The following AP4M1 variants were observed in gnomAD, a reference collection of about 807,000 sequenced individuals.
AP4M1 encodes the protein adaptor related protein complex 4 subunit mu 1.
In AP4M1, 58 loss-of-function variants were observed where a neutral mutation model predicts 62.4. That is an observed-to-expected ratio of 0.93 (90% CI 0.75 to 1.16). The LOEUF (loss-of-function observed/expected upper bound fraction) is 1.16, where lower values mean the gene tolerates loss of function less well. Ranked by LOEUF, AP4M1 falls within the 50% of genes most tolerant of loss-of-function variation. The probability of loss-of-function intolerance (pLI) is 0.00; values close to 1 mark genes in which losing one functional copy is unlikely to be tolerated. For synonymous variants in AP4M1, 290 were observed against 239.7 expected, an observed-to-expected ratio of 1.21 and a Z score of -1.94; for missense variants, 626 against 585.4, an observed-to-expected ratio of 1.07 and a Z score of -0.72.
chr7:100,102,141 G>A, intron 2 of AP4M1, 173 bp downstream of exon 2: 1 of 726,830 alleles, frequency 1.4e-6, no homozygotes, highest in Non-Finnish European at 2.4e-6. Context: ...AGCACTTTGG[G>A]AGACCGAGGC....
chr7:100,106,697 C>A lies in AP4M1; in HGVS notation c.1177C>A (p.Leu393Ile), dbSNP rs377082958. The change falls in exon 15 of 15, where the codon CTC becomes ATC. Residue 393 changes from leucine to isoleucine, a missense_variant. Physicochemically the swap from Leu to Ile is conservative, Grantham distance 5. Transcript: ENST00000359593. The stretch of plus-strand genomic sequence containing the variant: ...GCCCCCAGGACCTCCCAGCCATGGG[C>A]TCTCCACCTCGGCCTCTCCTCTGGG... The part of the protein sequence containing the change: ...PGPPGPPSHG[L>I]STSASPLGLG... The A allele has an allele frequency of 6.2e-7, 1 of 1,613,648 alleles. No individual in the cohort carries two copies. Among genetic ancestry groups the A allele is most frequent in the South Asian group, 1.1e-5 (1 of 91,082 alleles).
intron 6 of AP4M1, 135 bp from the exon 7 acceptor site, chr7:100,103,957 G>A (rs1353432270): frequency 2.1e-5 from 17 of 806,032 alleles, no homozygotes; most frequent in Non-Finnish European, 3.4e-5. Context: ...GTGGAGGTGG[G>A]AGATGATCCC....
rs1180511430 is a variant in AP4M1, at chr7:100,101,708, A to G, written c.-7A>G. On this transcript the variant is annotated 5_prime_UTR_variant, in exon 1 of 15. Transcript: ENST00000359593. ...CGCCGTCTTCTTGTCTACTCTCCAG[A>G]ACGGCCATGATTTCCCAATTCTTCA... is the stretch of plus-strand genomic sequence containing the variant. 2.8e-5 allele frequency: 45 copies of G among 1,612,944 alleles called. No individual in the cohort carries two copies. The highest frequency in any genetic ancestry group is 3.8e-5 in the Non-Finnish European group (45 of 1,179,308).
At chr7:100,106,025 C>T (rs749018682) in intron 12 of AP4M1, 22 bp downstream of exon 12, 1 of 1,613,804 alleles carries the variant, frequency 6.2e-7, no homozygotes, top group Admixed American at 1.7e-5. Flanking sequence ...GCTGGCCTGG[C>T]TGAGTTCAGC....
Position 100,106,221 on chromosome 7 carries a change from T to C in AP4M1, c.975-20T>C. ...GACTGTGCCTTCCTGGGGCTGACTT[T>C]GTTCCCGTCTCCTCTGTAGCCAAGC... On this transcript the variant is annotated intron_variant, in intron 12 of 14. Transcript: ENST00000359593. The C allele has an allele frequency of 6.2e-7, 1 of 1,614,070 alleles. No homozygotes were observed. Among genetic ancestry groups the C allele is most frequent in the Non-Finnish European group, 8.5e-7 (1 of 1,179,986 alleles).
At chr7:100,104,525 T>TA (rs1562908379) in intron 7 of AP4M1, among the ~76,000 whole-genome samples, 1 of 148,064 alleles carries the variant, frequency 6.8e-6, no homozygotes, top group South Asian at 2.2e-4. Flanking sequence ...CCCTGTCTCT[T>TA]AAAAAAAATA....
chr7:100,103,291 A>G (rs1388994448), intron 4 of AP4M1, 118 bp from the exon 5 acceptor site: 25 of 873,296 alleles, frequency 2.9e-5, no homozygotes, highest in Admixed American at 2.7e-4. Context: ...CCATTCTCCT[A>G]CGTCTCGGCC....
At position 100,101,959 on chromosome 7, in the gene AP4M1, G is replaced by A; in HGVS notation, c.138G>A (p.Pro46=). The change falls in exon 2 of 15, where the codon CCG becomes CCA. Residue 46 remains proline, a synonymous_variant. Transcript: ENST00000359593. ...CGGGACTGCCAGGAGACGAGTCCCC[G>A]GTTGTCATGGTAACCAGTGGCGGGA... ...KLTGLPGDES[P]VVMHHHGRHF... The A allele has an allele frequency of 6.2e-7, 1 of 1,613,240 alleles. No individual in the cohort carries two copies.
chr7:100,108,149 A>C lies in AP4M1; in HGVS notation c.*1267A>C, dbSNP rs1480813696. 1.9e-6 allele frequency: 3 copies of C among 1,572,708 alleles called. No homozygotes were observed. Among genetic ancestry groups the C allele is most frequent in the Non-Finnish European group, 8.6e-7 (1 of 1,163,550 alleles). The stretch of plus-strand genomic sequence containing the variant: ...CTGCGGGGAGAAGAGGAAAGGGGGA[A>C]GTGGCACCATCTACTAAGAAGAGGA... On this transcript the variant is annotated 3_prime_UTR_variant, in exon 15 of 15. Coordinates refer to ENST00000359593, the MANE Select transcript of AP4M1 (RefSeq NM_004722.4).
chr7:100,106,991 AGT>A lies in AP4M1; in HGVS notation c.*110_*111del. The A allele has an allele frequency of 7.4e-7, 1 of 1,343,804 alleles. No individual in the cohort carries two copies. Among genetic ancestry groups the A allele is most frequent in the Non-Finnish European group, 1.0e-6 (1 of 972,460 alleles). 83.2% of individuals were successfully genotyped at this position (1,343,804 alleles called of 1,614,324 possible). A position where few individuals can be genotyped will look rare whatever the true frequency, so the allele number is the denominator to read the frequency against. On this transcript the variant is annotated 3_prime_UTR_variant, in exon 15 of 15. Coordinates refer to ENST00000359593, the MANE Select transcript of AP4M1 (RefSeq NM_004722.4). ...TCGGACTCTGAATCTGGGCAGGAAG[AGT>A]CCTCAGTCCCAAGACCAGGAGGGGG...
In AP4M1 at chr7:100,107,016, G is replaced by A. The variant is rs1796572210; in HGVS notation, c.*134G>A. ...AGTCCTCAGTCCCAAGACCAGGAGG[G>A]GGCAATGGGCCCAGCCTTTCTGTGG... On this transcript the variant is annotated 3_prime_UTR_variant, in exon 15 of 15. Transcript: ENST00000359593. 8.1e-7 allele frequency: 1 copy of A among 1,241,446 alleles called. No individual in the cohort carries two copies. The highest frequency in any genetic ancestry group is 1.5e-5 in the African/African-American group (1 of 67,288). The allele number at this position is 1,241,446 out of a possible 1,614,324, so 76.9% of individuals were successfully genotyped here.
In AP4M1 at chr7:100,107,770, G is replaced by T; in HGVS notation, c.*888G>T. ...AGCTATGGCTGGAGACCTTGTTCAT[G>T]CAGGGCAGCTACAGCCCTGCAGGAC... On this transcript the variant is annotated 3_prime_UTR_variant, in exon 15 of 15. Coordinates refer to ENST00000359593, the MANE Select transcript of AP4M1 (RefSeq NM_004722.4). 1 of 1,399,000 alleles carries T rather than the reference G, an allele frequency of 7.1e-7. No homozygotes were observed. Among genetic ancestry groups the T allele is most frequent in the Non-Finnish European group, 9.6e-7 (1 of 1,046,878 alleles). 86.7% of individuals were successfully genotyped at this position (1,399,000 alleles called of 1,614,324 possible).
chr7:100,103,055 G>C (rs1271006381), intron 4 of AP4M1, 95 bp downstream of exon 4: 2 of 651,914 alleles, frequency 3.1e-6, no homozygotes, highest in African/African-American at 2.0e-5. Flanking sequence ...AGGAGGCCAA[G>C]TCTACCTTTT....
intron 14 of AP4M1, 54 bp downstream of exon 14, chr7:100,106,568 A>T: frequency 6.7e-6 from 3 of 444,940 alleles, no homozygotes; most frequent in Admixed American, 4.7e-5. Flanking sequence ...TGCAGCCCCC[A>T]CCCCACCCTC....
At chr7:100,103,139 A>G in intron 4 of AP4M1, 179 bp downstream of exon 4, 1 of 644,034 alleles carries the variant, frequency 1.6e-6, no homozygotes, top group Admixed American at 2.8e-5. Flanking sequence ...TGGTGCAGTT[A>G]TAGCTCACTG....
chr7:100,102,977 C>A lies in AP4M1; in HGVS notation c.351+17C>A. 6.2e-7 allele frequency: 1 copy of A among 1,607,640 alleles called. No homozygotes were observed. ...GAAGTGCTGGTGAGAATCAACAATC[C>A]CCTTCTGTGGCCCCTACCCAATTCC... On this transcript the variant is annotated intron_variant, in intron 4 of 14. Transcript: ENST00000359593.
At chr7:100,104,287 G>T (rs1796293734) in intron 7 of AP4M1, 133 bp downstream of exon 7, 10 of 795,518 alleles carry the variant, frequency 1.3e-5, no homozygotes, top group Non-Finnish European at 1.3e-5. Flanking sequence ...GGAGGCCGAG[G>T]TGGGAGAATT....
At position 100,108,059 on chromosome 7, in the gene AP4M1, T is replaced by C. The variant is rs1045043402; in HGVS notation, c.*1177T>C. 6.8e-6 allele frequency: 11 copies of C among 1,612,996 alleles called. No individual in the cohort carries two copies. The highest frequency in any genetic ancestry group is 7.6e-6 in the Non-Finnish European group (9 of 1,179,770). The stretch of plus-strand genomic sequence containing the variant: ...AGGAAGTGCGATGGAGCCAGGAACC[T>C]TCAGCAAGCCAGGGGTGCGAGGGCC... On this transcript the variant is annotated 3_prime_UTR_variant, in exon 15 of 15. Coordinates refer to ENST00000359593, the MANE Select transcript of AP4M1 (RefSeq NM_004722.4).
In AP4M1 at chr7:100,107,849, C is replaced by CTACT; in HGVS notation, c.*968_*971dup. The CTACT allele has an allele frequency of 6.6e-7, 1 of 1,516,056 alleles. No individual in the cohort carries two copies. Among genetic ancestry groups the CTACT allele is most frequent in the South Asian group, 1.3e-5 (1 of 77,712 alleles). The allele number at this position is 1,516,056 out of a possible 1,614,324, so 93.9% of individuals were successfully genotyped here. A position where few individuals can be genotyped will look rare whatever the true frequency, so the allele number is the denominator to read the frequency against. The stretch of plus-strand genomic sequence containing the variant: ...CTTGGGGCCCAGAGGGGACTGTGCT[C>CTACT]TACTCCTGGGCCTCCCCAGGGTGCT... On this transcript the variant is annotated 3_prime_UTR_variant, in exon 15 of 15. Coordinates refer to ENST00000359593, the MANE Select transcript of AP4M1 (RefSeq NM_004722.4).
Sources: gnomAD v4.1 joint callset for allele counts (sites outside exome capture counted in the v4.1 genomes callset) on GRCh38, gnomAD v4.1.1 for gene constraint, MANE v1.5 for transcripts, NCBI Gene and HGNC (gene_info 2026-07-23, HGNC 2026-07-21) for gene names.